TP63: variants seen among roughly 807,000 people sequenced by gnomAD.
TP63 encodes the protein tumor protein p63.
TP63 carries 17 observed loss-of-function variants against 82.8 expected under a neutral mutation model. The observed-to-expected ratio is 0.21, with a 90% CI of 0.14 to 0.31. TP63 has a LOEUF of 0.31. Among genes scored for constraint, TP63 ranks in the 10% least tolerant of loss-of-function variants. TP63 has a pLI of 1.00. For synonymous variants in TP63, 330 were observed against 321.7 expected (o/e 1.03, Z -0.28); for missense variants, 648 against 895.3 (o/e 0.72, Z 3.52).
intron 1 of TP63, among the ~76,000 whole-genome samples, chr3:189,716,220 A>G (rs1306159225): frequency 2.0e-5 from 3 of 152,112 alleles, no homozygotes; most frequent in Non-Finnish European, 2.9e-5. Context: ...TTTATCTGTA[A>G]TTGTATTAGA....
At position 189,874,194 on chromosome 3, in the gene TP63, C is replaced by T. The variant is rs571767136; in HGVS notation, c.1349+1199C>T. Among the ~76,000 whole-genome samples, 285 of 152,162 alleles carry T rather than the reference C, an allele frequency of 1.9e-3. 3 individuals are homozygous for T. Among genetic ancestry groups the T allele is most frequent in the African/African-American group, 2.1e-3 (87 of 41,510 alleles). ...AAGTGATTCTCCTGCCTCAGCCTCC[C>T]GAGTAGCTGGGATTAGAGGCACCTG... On this transcript the variant is annotated intron_variant, in intron 10 of 13. Coordinates refer to ENST00000264731, the MANE Select transcript of TP63 (RefSeq NM_003722.5).
At chr3:189,870,960 A>C (rs544665381) in intron 9 of TP63, among the ~76,000 whole-genome samples, 1 of 152,308 alleles carries the variant, frequency 6.6e-6, no homozygotes, top group African/African-American at 2.4e-5. Context: ...CCAGTAGACC[A>C]ATCAGACGGT....
intron 3 of TP63, among the ~76,000 whole-genome samples, chr3:189,784,235 G>A (rs1389908704): frequency 6.6e-6 from 1 of 152,030 alleles, no homozygotes; most frequent in Non-Finnish European, 1.5e-5. Context: ...TGAACTGTAA[G>A]TAAGGCACTA....
chr3:189,857,838 T>TTAGCGAGGA (rs1461263562), intron 4 of TP63, among the ~76,000 whole-genome samples: 1 of 152,172 alleles, frequency 6.6e-6, no homozygotes, highest in African/African-American at 2.4e-5. Context: ...AAGATAACTG[T>TTAGCGAGGA]TAGCGAGGAT....
At chr3:189,607,730 A>C in the TP63 span, among the ~76,000 whole-genome samples, 40 of 152,070 alleles carry the variant, frequency 2.6e-4, no homozygotes, top group African/African-American at 9.4e-4. Flanking sequence ...AAAAATGTAT[A>C]CTTTTAAGCC....
intron 10 of TP63, among the ~76,000 whole-genome samples, chr3:189,885,245 G>A (rs1001130860): frequency 6.6e-6 from 1 of 152,300 alleles, no homozygotes; most frequent in Middle Eastern, 3.4e-3. Context: ...TGTAGATGCT[G>A]CATAGTCTGT....
intron 5 of TP63, among the ~76,000 whole-genome samples, chr3:189,865,790 T>C (rs1717652640): frequency 6.6e-6 from 1 of 152,214 alleles, no homozygotes; most frequent in African/African-American, 2.4e-5. Flanking sequence ...ATAAAGAATA[T>C]TGCAATATAG....
chr3:189,828,469 A>T (rs1711784253), intron 4 of TP63, among the ~76,000 whole-genome samples: 1 of 152,192 alleles, frequency 6.6e-6, no homozygotes, highest in Admixed American at 6.5e-5. Flanking sequence ...GTTGAATGAT[A>T]TATTCCTCAA....
chr3:189,741,204 A>G (rs932584764), intron 3 of TP63, among the ~76,000 whole-genome samples: 5 of 80,648 alleles, frequency 6.2e-5, no homozygotes, highest in Non-Finnish European at 1.1e-4. Context: ...CTGTCTGTGG[A>G]AAAAAAAAAA....
intron 7 of TP63, 66 bp downstream of exon 7, chr3:189,868,008 G>T: frequency 7.5e-7 from 1 of 1,326,286 alleles, no homozygotes. Context: ...AAGTGAAATC[G>T]TGGCTGCTTT....
chr3:189,786,506 C>T (rs1056432905), intron 3 of TP63, among the ~76,000 whole-genome samples: 1 of 151,110 alleles, frequency 6.6e-6, no homozygotes, highest in African/African-American at 2.4e-5. Flanking sequence ...CATATACAAA[C>T]ACAAACACAG....
intron 3 of TP63, among the ~76,000 whole-genome samples, chr3:189,774,939 C>T (rs945269131): frequency 2.6e-5 from 4 of 152,122 alleles, no homozygotes; most frequent in Non-Finnish European, 4.4e-5. Context: ...AATTGACAGC[C>T]GGGCATGGTG....
chr3:189,887,588 G>A (rs907192658), intron 11 of TP63, among the ~76,000 whole-genome samples: 1 of 152,040 alleles, frequency 6.6e-6, no homozygotes, highest in African/African-American at 2.4e-5. Context: ...CTAGCAAAGT[G>A]GATACACAAA....
intron 8 of TP63, 100 bp from the exon 9 acceptor site, chr3:189,869,224 A>C: frequency 1.1e-6 from 1 of 940,774 alleles, no homozygotes; most frequent in East Asian, 2.7e-5. Context: ...TATGTATATT[A>C]AATCTGATTA....
intron 1 of TP63, among the ~76,000 whole-genome samples, chr3:189,715,429 C>G (rs1230365555): frequency 6.6e-6 from 1 of 152,150 alleles, no homozygotes; most frequent in Non-Finnish European, 1.5e-5. Context: ...TAAGGTATAA[C>G]ATCCAGATTT....
rs774450935 is a variant in TP63 at position 189,869,320 on chromosome 3, C to G, written c.1130-4C>G. ...GGATGAAACTTGCATTTTTCCTCCA[C>G]CAGCGTTTCGTCAGAACACACATGG... is the stretch of plus-strand genomic sequence containing the variant. On this transcript the variant is annotated splice_polypyrimidine_tract_variant and splice_region_variant and intron_variant, in intron 8 of 13. Transcript: ENST00000264731. 1 of 1,613,966 alleles carries G rather than the reference C, an allele frequency of 6.2e-7. No homozygotes were observed. The highest frequency in any genetic ancestry group is 1.7e-5 in the Admixed American group (1 of 60,018).
At chr3:189,617,506 G>A in the TP63 span, among the ~76,000 whole-genome samples, 3 of 151,940 alleles carry the variant, frequency 2.0e-5, no homozygotes, top group East Asian at 5.8e-4. Flanking sequence ...TTACAATCAG[G>A]CTATTACATT....
Position 189,678,397 on chromosome 3 carries a change from A to G in TP63, c.62+46820A>G, listed in dbSNP as rs557344989. Among the ~76,000 whole-genome samples, 10 of 152,076 alleles carry G rather than the reference A, an allele frequency of 6.6e-5. No homozygotes were observed. The East Asian group carries it at 1.9e-3, about 29-fold the overall frequency. On this transcript the variant is annotated intron_variant, in intron 1 of 13. Transcript: ENST00000264731. ...TGTTGAAGATAAGTTGGTTGTAGAT[A>G]TGTGGCTTTATTCCTGGGTTCTCTA...
chr3:189,833,286 C>G (rs1234541767), intron 4 of TP63, among the ~76,000 whole-genome samples: 1 of 152,156 alleles, frequency 6.6e-6, no homozygotes, highest in Non-Finnish European at 1.5e-5. Context: ...TGAGTAGGAG[C>G]AAATAAGTAT....
Sources: allele counts gnomAD v4.1 joint callset (sites outside exome capture counted in the v4.1 genomes callset), GRCh38; gene constraint gnomAD v4.1.1; transcripts MANE v1.5; gene names NCBI Gene and HGNC (gene_info 2026-07-23, HGNC 2026-07-21).